The following ARHGEF28 variants were observed in gnomAD, a reference collection of about 807,000 sequenced individuals.
ARHGEF28 encodes the protein Rho guanine nucleotide exchange factor 28.
Under a neutral mutation model 206.6 loss-of-function variants are expected in ARHGEF28, and 152 were observed. That is an observed-to-expected ratio of 0.74 (90% CI 0.64 to 0.84). The LOEUF is 0.84. Among genes scored for constraint, ARHGEF28 ranks in the 40% least tolerant of loss-of-function variants. The probability of loss-of-function intolerance (pLI) is 0.00; values close to 1 mark genes in which losing one functional copy is unlikely to be tolerated. For synonymous variants in ARHGEF28, 763 were observed against 776.4 expected (o/e 0.98, Z 0.29); for missense variants, 2,028 against 2,073.2 (o/e 0.98, Z 0.42).
At chr5:73,914,566 T>C (rs1451194167) in intron 35 of ARHGEF28, among the ~76,000 whole-genome samples, 2 of 151,472 alleles carry the variant, frequency 1.3e-5, no homozygotes, top group Non-Finnish European at 2.9e-5. Context: ...CTGGCTGATT[T>C]TTGTATTTTC....
intron 9 of ARHGEF28, among the ~76,000 whole-genome samples, chr5:73,814,106 A>C (rs959321996): frequency 4.6e-5 from 7 of 152,124 alleles, no homozygotes; most frequent in Non-Finnish European, 1.0e-4. Context: ...TTTCAAGTGT[A>C]TAGTAATTTA....
intron 2 of ARHGEF28, among the ~76,000 whole-genome samples, chr5:73,711,264 T>C (rs1173748090): frequency 6.6e-6 from 1 of 152,196 alleles, no homozygotes; most frequent in Non-Finnish European, 1.5e-5. Flanking sequence ...TTGAGCAGCG[T>C]TGGTCCTCCA....
chr5:73,648,127 G>A (rs1471527144), intron 1 of ARHGEF28, among the ~76,000 whole-genome samples: 2 of 152,116 alleles, frequency 1.3e-5, no homozygotes, highest in Non-Finnish European at 2.9e-5. Context: ...TTATTCTTGG[G>A]GGGATGGATT....
chr5:73,671,738 ATTTTTTTTTTTTTTTTTTT>A (rs1172905776), intron 1 of ARHGEF28, among the ~76,000 whole-genome samples: 1 of 9,916 alleles, frequency 1.0e-4, no homozygotes, highest in Non-Finnish European at 1.6e-4. Flanking sequence ...ATATATATAT[ATTTTTTTTTTTTTTTTTTT>A]TTTTTTTTTT....
At chr5:73,681,089 T>A (rs1380353605) in intron 1 of ARHGEF28, among the ~76,000 whole-genome samples, 8 of 694 alleles carry the variant, frequency 0.012, no homozygotes, top group Non-Finnish European at 0.043. Context: ...TAGTAATGCA[T>A]TTTTTTTTTT....
chr5:73,750,016 A>C, intron 3 of ARHGEF28, 32 bp downstream of exon 3: 5 of 1,607,930 alleles, frequency 3.1e-6, no homozygotes, highest in Non-Finnish European at 4.2e-6. Flanking sequence ...GCAGCTGGGA[A>C]ATTAGTCTGC....
Position 73,840,677 on chromosome 5 carries a change from A to G in ARHGEF28, c.1344A>G (p.Pro448=), listed in dbSNP as rs1304003138. The change falls in exon 11 of 36, where the codon CCA becomes CCG. Residue 448 remains proline, a synonymous_variant. Transcript: ENST00000513042. ...HTEAQQSFMS[P]SSSCASNLNL... ...AAGCCCAGCAGTCCTTCATGTCACCATCAAGTTCGTGTGCTTCCAACTTGA... is the reference window on the plus strand; with the variant it reads ...AAGCCCAGCAGTCCTTCATGTCACCGTCAAGTTCGTGTGCTTCCAACTTGA... 1.1e-5 allele frequency: 18 copies of G among 1,613,362 alleles called. No individual in the cohort carries two copies. The highest frequency in any genetic ancestry group is 6.6e-5 in the South Asian group (6 of 90,978).
intron 1 of ARHGEF28, among the ~76,000 whole-genome samples, chr5:73,683,577 T>G (rs1290922604): frequency 6.6e-6 from 1 of 152,166 alleles, no homozygotes; most frequent in Non-Finnish European, 1.5e-5. Flanking sequence ...CCTGTAGGTG[T>G]ATATCACATT....
intron 1 of ARHGEF28, among the ~76,000 whole-genome samples, chr5:73,681,639 C>T (rs916551935): frequency 3.3e-5 from 5 of 151,474 alleles, no homozygotes; most frequent in East Asian, 3.9e-4. Flanking sequence ...ACATAGTGAA[C>T]CTTGTCTCTC....
chr5:73,666,644 A>G (rs546297973), intron 1 of ARHGEF28, among the ~76,000 whole-genome samples: 11 of 152,336 alleles, frequency 7.2e-5, no homozygotes, highest in South Asian at 2.1e-4. Context: ...GATGAGGTTC[A>G]TAAATTTGAA....
chr5:73,801,749 G>T (rs1755149381), intron 9 of ARHGEF28, among the ~76,000 whole-genome samples: 1 of 151,968 alleles, frequency 6.6e-6, no homozygotes, highest in Non-Finnish European at 1.5e-5. Context: ...GGGGAGTTGG[G>T]GGGTTATCTC....
chr5:73,778,984 C>T (rs772545667), intron 6 of ARHGEF28, among the ~76,000 whole-genome samples: 1 of 152,144 alleles, frequency 6.6e-6, no homozygotes, highest in East Asian at 1.9e-4. Context: ...TGTTTAGTCT[C>T]CGGGTTTGGG....
chr5:73,795,216 T>A, intron 8 of ARHGEF28, 115 bp from the exon 9 acceptor site: 1 of 897,780 alleles, frequency 1.1e-6, no homozygotes, highest in Admixed American at 2.2e-5. Context: ...GTGATGATAC[T>A]TGTAACATGT....
chr5:73,678,911 G>GGCTCTGTT (rs1326463092), intron 1 of ARHGEF28, among the ~76,000 whole-genome samples: 2 of 152,178 alleles, frequency 1.3e-5, no homozygotes, highest in African/African-American at 2.4e-5. Flanking sequence ...GACAGGGTCT[G>GGCTCTGTT]GCTCTGTTGC....
chr5:73,718,661 G>A (rs879767892), intron 2 of ARHGEF28, among the ~76,000 whole-genome samples: 12 of 152,142 alleles, frequency 7.9e-5, no homozygotes, highest in Non-Finnish European at 1.8e-4. Context: ...AGTTCTTGCT[G>A]ATGCTGTTTG....
At chr5:73,677,906 A>G (rs1746806539) in intron 1 of ARHGEF28, among the ~76,000 whole-genome samples, 1 of 152,254 alleles carries the variant, frequency 6.6e-6, no homozygotes, top group Admixed American at 6.5e-5. Flanking sequence ...TGAAGAACTC[A>G]AACTTTCACA....
intron 9 of ARHGEF28, among the ~76,000 whole-genome samples, chr5:73,819,359 G>T (rs1756429548): frequency 6.6e-6 from 1 of 152,322 alleles, no homozygotes; most frequent in South Asian, 2.1e-4. Flanking sequence ...ACTTTGCCTT[G>T]CTGAGTGCAG....
rs1421850883 is a variant in ARHGEF28, at chr5:73,843,999, C to T, written c.1428-2269C>T. Among the ~76,000 whole-genome samples, 246 of 152,246 alleles carry T rather than the reference C, an allele frequency of 1.6e-3. 2 individuals are homozygous for T. Among genetic ancestry groups the T allele is most frequent in the Admixed American group, 0.016 (245 of 15,280 alleles). On this transcript the variant is annotated intron_variant, in intron 11 of 35. Transcript: ENST00000513042. ...TCTATTCTATATATTTTTTAAAAAA[C>T]TCTAGTTACAACCTAATGAATTGAT...
intron 27 of ARHGEF28, among the ~76,000 whole-genome samples, chr5:73,892,850 T>G (rs1761729504): frequency 6.6e-6 from 1 of 152,144 alleles, no homozygotes; most frequent in Non-Finnish European, 1.5e-5. Flanking sequence ...TATATAAAAT[T>G]TCTCTACCTC....
Sources: gnomAD v4.1 joint callset for allele counts (sites outside exome capture counted in the v4.1 genomes callset) on GRCh38, gnomAD v4.1.1 for gene constraint, MANE v1.5 for transcripts, NCBI Gene and HGNC (gene_info 2026-07-23, HGNC 2026-07-21) for gene names.